Variants in PBRM1 observed in about 807,000 individuals in gnomAD.
PBRM1 encodes the protein polybromo 1.
In PBRM1, 27 loss-of-function variants were observed where a neutral mutation model predicts 194.5. The ratio of observed to expected loss-of-function variants is 0.14; its 90% CI spans 0.10 to 0.19. PBRM1 has a LOEUF of 0.19. Ranked by LOEUF, PBRM1 falls within the 10% of genes least tolerant of loss-of-function variation. The probability of loss-of-function intolerance (pLI) is 1.00; values close to 1 mark genes in which losing one functional copy is unlikely to be tolerated. For synonymous variants in PBRM1, 655 were observed against 693.2 expected (o/e 0.94, Z 0.87); for missense variants, 1,466 against 2,077.2 (o/e 0.71, Z 5.72).
At chr3:52,574,043 A>G (rs1190450517) in intron 22 of PBRM1, among the ~76,000 whole-genome samples, 1 of 152,176 alleles carries the variant, frequency 6.6e-6, no homozygotes, top group Non-Finnish European at 1.5e-5. Flanking sequence ...CTTGGTGGAG[A>G]AGTGTCTAGG....
At chr3:52,631,021 C>A (rs183955845) in intron 11 of PBRM1, among the ~76,000 whole-genome samples, 1 of 152,172 alleles carries the variant, frequency 6.6e-6, no homozygotes, top group Non-Finnish European at 1.5e-5. Context: ...CTTTTCCCAA[C>A]GCAAAGAATA....
At chr3:52,603,575 T>C in exon 17 of PBRM1, 1 of 1,609,750 alleles carries the variant, frequency 6.2e-7, no homozygotes, top group Non-Finnish European at 8.5e-7. Flanking sequence ...TTTGGCAATT[T>C]TTCCTTTCTC....
chr3:52,683,801 G>C (rs888438476), upstream of PBRM1, among the ~76,000 whole-genome samples: 2 of 53,008 alleles, frequency 3.8e-5, no homozygotes, highest in Admixed American at 4.7e-4. Context: ...CTGGGGGACA[G>C]AGTAAGACTG....
At chr3:52,561,849 T>G in exon 25 of PBRM1, 4 of 1,614,170 alleles carry the variant, frequency 2.5e-6, no homozygotes, top group Non-Finnish European at 2.5e-6. Context: ...AAGAGTAGTC[T>G]GGGTGTTGGG....
At chr3:52,568,044 T>C (rs752408749) in intron 22 of PBRM1, among the ~76,000 whole-genome samples, 1 of 152,132 alleles carries the variant, frequency 6.6e-6, no homozygotes, top group Non-Finnish European at 1.5e-5. Context: ...AGTGGTGCGA[T>C]TCTGGCTCAC....
chr3:52,637,164 C>A (rs907843412), intron 10 of PBRM1, among the ~76,000 whole-genome samples: 1 of 152,158 alleles, frequency 6.6e-6, no homozygotes, highest in Non-Finnish European at 1.5e-5. Flanking sequence ...TTTGTTGCTA[C>A]TGTAAGCGGC....
intron 24 of PBRM1, among the ~76,000 whole-genome samples, chr3:52,562,295 C>T (rs368682503): frequency 6.7e-6 from 1 of 149,224 alleles, no homozygotes; most frequent in Middle Eastern, 3.2e-3. Flanking sequence ...CCACTGCACT[C>T]CAGCCTGGGC....
intron 3 of PBRM1, among the ~76,000 whole-genome samples, chr3:52,662,845 C>CA (rs1211676386): frequency 6.8e-6 from 1 of 147,678 alleles, no homozygotes; most frequent in East Asian, 2.0e-4. Context: ...AAAAAAACAC[C>CA]AAAAAACCCA....
chr3:52,628,799 G>T, intron 12 of PBRM1, 95 bp downstream of exon 13: 3 of 1,074,142 alleles, frequency 2.8e-6, no homozygotes, highest in Admixed American at 1.8e-5. Context: ...TGCTGAGGGT[G>T]GGGGGGATCA....
At chr3:52,635,784 TCA>T (rs1315025920) in intron 10 of PBRM1, among the ~76,000 whole-genome samples, 2 of 152,220 alleles carry the variant, frequency 1.3e-5, no homozygotes, top group African/African-American at 2.4e-5. Flanking sequence ...AAGTAACCAT[TCA>T]GAGATCCCAG....
At chr3:52,650,610 A>C (rs1335894986) in intron 6 of PBRM1, among the ~76,000 whole-genome samples, 1 of 152,110 alleles carries the variant, frequency 6.6e-6, no homozygotes, top group African/African-American at 2.4e-5. Flanking sequence ...TGGGAGCAGC[A>C]AACCCTTCTT....
At chr3:52,551,819 G>A (rs943763274) in intron 27 of PBRM1, 13 of 152,150 alleles carry the variant, frequency 8.5e-5, no homozygotes, top group African/African-American at 2.9e-4. Context: ...GTAATATTTT[G>A]TCCAGGCAGA....
At chr3:52,639,266 A>G (rs2095970088) in intron 10 of PBRM1, among the ~76,000 whole-genome samples, 1 of 152,030 alleles carries the variant, frequency 6.6e-6, no homozygotes, top group South Asian at 2.1e-4. Context: ...GTGAGCCACC[A>G]AGCCTGGCCT....
chr3:52,662,524 T>G (rs1168941953), intron 3 of PBRM1, among the ~76,000 whole-genome samples: 1 of 152,114 alleles, frequency 6.6e-6, no homozygotes, highest in East Asian at 1.9e-4. Context: ...GACAAATGAT[T>G]TGCTAAATTA....
chr3:52,648,371 A>G (rs201403045), exon 7 of PBRM1: 65 of 1,608,048 alleles, frequency 4.0e-5, no homozygotes, highest in South Asian at 7.7e-5. Context: ...CAGGCTCATT[A>G]TAAGTTTTGG....
intron 14 of PBRM1, among the ~76,000 whole-genome samples, chr3:52,616,121 C>T (rs1409559057): frequency 6.6e-6 from 1 of 152,156 alleles, no homozygotes; most frequent in East Asian, 1.9e-4. Context: ...GGCCACCTCT[C>T]TTAAAGGTGG....
chr3:52,615,752 C>A (rs1451472234), intron 14 of PBRM1, among the ~76,000 whole-genome samples: 1 of 152,206 alleles, frequency 6.6e-6, no homozygotes, highest in Admixed American at 6.5e-5. Context: ...AACACATTTA[C>A]ATGTGTTGTT....
At chr3:52,605,022 G>T (rs910819533) in intron 16 of PBRM1, among the ~76,000 whole-genome samples, 1 of 150,860 alleles carries the variant, frequency 6.6e-6, no homozygotes, top group East Asian at 2.0e-4. Flanking sequence ...ATAAACTTCA[G>T]ACTTTAGAAT....
chr3:52,639,648 G>T (rs1376392918), intron 10 of PBRM1, among the ~76,000 whole-genome samples: 1 of 152,054 alleles, frequency 6.6e-6, no homozygotes, highest in African/African-American at 2.4e-5. Flanking sequence ...TGGGAGGACT[G>T]CTTGAGCCCA....
Sources: allele counts gnomAD v4.1 joint callset (sites outside exome capture counted in the v4.1 genomes callset), GRCh38; gene constraint gnomAD v4.1.1; transcripts MANE v1.5; gene names NCBI Gene and HGNC (gene_info 2026-07-23, HGNC 2026-07-21).